The following WDR19 variants were observed in gnomAD, a reference collection of about 807,000 sequenced individuals.
The protein encoded by WDR19 is WD repeat-containing protein 19.
Under a neutral mutation model 180.0 loss-of-function variants are expected in WDR19, and 121 were observed. The ratio of observed to expected loss-of-function variants is 0.67; its 90% CI spans 0.58 to 0.78. The LOEUF is 0.78. Ranked by LOEUF, WDR19 falls within the 30% of genes least tolerant of loss-of-function variation. The pLI is 0.00. For synonymous variants in WDR19, 497 were observed against 540.7 expected (o/e 0.92, Z 1.12); for missense variants, 1,450 against 1,640.7 (o/e 0.88, Z 2.01).
At position 39,228,449 on chromosome 4, in the gene WDR19, T is replaced by G. The variant is rs140103921; in HGVS notation, c.1778-37T>G. The stretch of plus-strand genomic sequence containing the variant: ...TCTTTCTGATGTTTGTGCTGAGTAT[T>G]AGCTTTCAGCATTGCGATGTCTGTT... On this transcript the variant is annotated intron_variant, in intron 16 of 36. Transcript: ENST00000399820. The G allele has an allele frequency of 3.0e-5, 49 of 1,609,870 alleles. No homozygotes were observed. In the African/African-American group the frequency reaches 4.9e-4, roughly 16 times the overall value.
At chr4:39,273,841 C>G (rs566533781) in intron 32 of WDR19, 1 of 152,180 alleles carries the variant, frequency 6.6e-6, no homozygotes, top group Non-Finnish European at 1.5e-5. Context: ...GAAAAGGCCT[C>G]ACTATTCCAA....
chr4:39,218,102 A>G lies in WDR19; in HGVS notation c.1476A>G (p.Thr492=). 1 of 1,609,752 alleles carries G rather than the reference A, an allele frequency of 6.2e-7. No homozygotes were observed. The highest frequency in any genetic ancestry group is 8.5e-7 in the Non-Finnish European group (1 of 1,177,990). The change falls in exon 14 of 37, where the codon ACA becomes ACG. Residue 492 remains threonine (T), a synonymous_variant. Coordinates refer to ENST00000399820, the MANE Select transcript of WDR19 (RefSeq NM_025132.4). The stretch of plus-strand genomic sequence containing the variant: ...CTAGTGATTTCCTCATCTATGGTAC[A>G]GATGTATGTATTGCCTTCTTTTTTA... ...ALTSDFLIYG[T]DTGVVQYFYI...
Position 39,253,278 on chromosome 4 carries a change from C to T in WDR19, c.2862C>T (p.Ala954=). ...GAGAGACCCAGTCTCTGGATGGAGC[C>T]AAAATGGTAGCCAGGTAACATAATA... ...IVRETQSLDG[A]KMVARFFLQL... is the part of the protein sequence containing the mutation. The change falls in exon 25 of 37, where the codon GCC becomes GCT. Residue 954 remains alanine, a synonymous_variant. Coordinates refer to ENST00000399820, the MANE Select transcript of WDR19 (RefSeq NM_025132.4). 6.2e-7 allele frequency: 1 copy of T among 1,611,558 alleles called. No individual in the cohort carries two copies. Among genetic ancestry groups the T allele is most frequent in the African/African-American group, 1.3e-5 (1 of 74,892 alleles).
intron 1 of WDR19, among the ~76,000 whole-genome samples, chr4:39,183,215 C>T (rs895133466): frequency 6.7e-6 from 1 of 148,656 alleles, no homozygotes. Flanking sequence ...TCAGAGCAGT[C>T]CCCCCTTGCT....
chr4:39,190,441 A>G (rs1330052188), intron 4 of WDR19, among the ~76,000 whole-genome samples: 1 of 152,258 alleles, frequency 6.6e-6, no homozygotes, highest in Non-Finnish European at 1.5e-5. Context: ...AAAACTTGTC[A>G]GCATTTCCAA....
chr4:39,239,122 C>T (rs1446973821), intron 20 of WDR19, among the ~76,000 whole-genome samples: 1 of 152,046 alleles, frequency 6.6e-6, no homozygotes, highest in Admixed American at 6.6e-5. Context: ...GGATTACAGG[C>T]GCATGCCACC....
chr4:39,224,968 C>T lies in WDR19; in HGVS notation c.1564C>T (p.Pro522Ser), dbSNP rs1339914176. 6.3e-7 allele frequency: 1 copy of T among 1,577,362 alleles called. No homozygotes were observed. Among genetic ancestry groups the T allele is most frequent in the Non-Finnish European group, 8.6e-7 (1 of 1,160,686 alleles). Reference protein sequence around the residue: ...RHPVSVKKIFPDPNGTRLVFI... With the variant: ...RHPVSVKKIFSDPNGTRLVFI... ...TCCTGTCAGTGTGAAAAAGATTTTT[C>T]CCGACCCAAATGGGACCAGATTAGT... The change falls in exon 15 of 37, where the codon CCC (proline) becomes TCC (serine). Residue 522 changes from proline to serine, a missense_variant. Coordinates refer to ENST00000399820, the MANE Select transcript of WDR19 (RefSeq NM_025132.4).
rs569773734 is a variant in WDR19 at position 39,215,343 on chromosome 4, G to T, written c.962-498G>T. ...TTTCTTTCTTTTTTTTTGAGACAGC[G>T]TCTTGTTTTGTTGCTCAGGCTTACT... On this transcript the variant is annotated intron_variant, in intron 10 of 36. Transcript: ENST00000399820. Among the ~76,000 whole-genome samples, 3 of 149,872 alleles carry T rather than the reference G, an allele frequency of 2.0e-5. No individual in the cohort carries two copies. In the South Asian group the frequency reaches 6.3e-4, roughly 32 times the overall value.
intron 14 of WDR19, among the ~76,000 whole-genome samples, chr4:39,220,491 T>A (rs1244617346): frequency 6.6e-6 from 1 of 151,114 alleles, no homozygotes; most frequent in Admixed American, 6.6e-5. Context: ...AATTTTTAGT[T>A]TTTTAAATTA....
At chr4:39,188,912 G>C (rs977852994) in intron 3 of WDR19, among the ~76,000 whole-genome samples, 5 of 151,578 alleles carry the variant, frequency 3.3e-5, no homozygotes, top group African/African-American at 1.2e-4. Context: ...ACCACGCCCA[G>C]CTCATTTTTT....
intron 9 of WDR19, among the ~76,000 whole-genome samples, chr4:39,214,284 G>T (rs962720514): frequency 6.6e-6 from 1 of 152,106 alleles, no homozygotes; most frequent in East Asian, 1.9e-4. Flanking sequence ...GAATATTTTC[G>T]TACCCAAATT....
chr4:39,265,304 C>G (rs1734680323), intron 28 of WDR19, among the ~76,000 whole-genome samples: 1 of 151,986 alleles, frequency 6.6e-6, no homozygotes, highest in South Asian at 2.1e-4. Flanking sequence ...CTTGTCCAGG[C>G]TCCCCTGGCT....
intron 9 of WDR19, 122 bp from the exon 10 acceptor site, chr4:39,214,479 C>G (rs1447457505): frequency 1.8e-6 from 1 of 560,206 alleles, no homozygotes; most frequent in East Asian, 3.2e-5. Flanking sequence ...CCCAGTAGAT[C>G]ATTCTGTACA....
At chr4:39,226,781 T>C (rs1392161156) in intron 15 of WDR19, among the ~76,000 whole-genome samples, 1 of 152,188 alleles carries the variant, frequency 6.6e-6, no homozygotes, top group Non-Finnish European at 1.5e-5. Context: ...GAACCAAATA[T>C]GTAATTAAAA....
chr4:39,222,410 A>C (rs1051181464), intron 14 of WDR19, among the ~76,000 whole-genome samples: 1 of 152,190 alleles, frequency 6.6e-6, no homozygotes, highest in South Asian at 2.1e-4. Flanking sequence ...GATTTTTTTT[A>C]ATGTTTACAA....
chr4:39,185,761 C>T lies in WDR19; in HGVS notation c.42C>T (p.Gly14=), dbSNP rs531575276. 43 of 1,559,046 alleles carry T rather than the reference C, an allele frequency of 2.8e-5. No homozygotes were observed. In the East Asian group the frequency reaches 7.2e-4, roughly 26 times the overall value. ...CACTGCTAGAAAAGACTTGGCTTGG[C>T]GCACCAATACAGTTTGCCTGGCAAA... ...IFSLLEKTWL[G]APIQFAWQKT... is the part of the protein sequence containing the mutation. The change falls in exon 2 of 37, where the codon GGC becomes GGT. Residue 14 remains glycine, a synonymous_variant. Transcript: ENST00000399820.
At chr4:39,258,630 T>G (rs1186990827) in intron 28 of WDR19, among the ~76,000 whole-genome samples, 1 of 152,196 alleles carries the variant, frequency 6.6e-6, no homozygotes, top group Admixed American at 6.5e-5. Context: ...TCAGTTTTAT[T>G]GGGTATATAT....
At chr4:39,239,330 G>T (rs1225679584) in intron 20 of WDR19, among the ~76,000 whole-genome samples, 1 of 151,856 alleles carries the variant, frequency 6.6e-6, no homozygotes, top group East Asian at 1.9e-4. Context: ...GTAAGAACCA[G>T]AGCCCTCAGT....
intron 4 of WDR19, among the ~76,000 whole-genome samples, chr4:39,190,698 T>C (rs7658844): frequency 0.97 from 147,734 of 152,282 alleles, 71,815 homozygotes; most frequent in Middle Eastern, 1. Flanking sequence ...CTAGTGAGTG[T>C]AGTGCCTTTG....
Sources: gnomAD v4.1 joint callset for allele counts (sites outside exome capture counted in the v4.1 genomes callset) on GRCh38, gnomAD v4.1.1 for gene constraint, MANE v1.5 for transcripts, NCBI Gene and HGNC (gene_info 2026-07-23, HGNC 2026-07-21) for gene names.